SDK1: variants seen among roughly 807,000 people sequenced by gnomAD.
SDK1 encodes protein sidekick-1.
In SDK1, 157 loss-of-function variants were observed where a neutral mutation model predicts 245.5. The observed-to-expected ratio is 0.64, with a 90% confidence interval of 0.56 to 0.73. The LOEUF (loss-of-function observed/expected upper bound fraction) is 0.73, where lower values mean the gene tolerates loss of function less well. Ranked by LOEUF, SDK1 falls within the 30% of genes least tolerant of loss-of-function variation. SDK1 has a pLI of 0.00. For missense variants in SDK1, 3,583 were observed against 3,002.3 expected (o/e 1.19, Z -4.52); for synonymous variants, 1,647 against 1,278.5 (o/e 1.29, Z -6.15).
chr7:3,893,221 A>T (rs1337591965), intron 5 of SDK1, among the ~76,000 whole-genome samples: 1 of 151,772 alleles, frequency 6.6e-6, no homozygotes, highest in African/African-American at 2.4e-5. Flanking sequence ...TAACCAGTGA[A>T]CTCCGGCCCC....
At chr7:4,142,487 C>T (rs938045503) in intron 28 of SDK1, among the ~76,000 whole-genome samples, 2 of 152,074 alleles carry the variant, frequency 1.3e-5, no homozygotes, top group African/African-American at 4.8e-5. Context: ...CGCCATCACG[C>T]CCGGCTAATT....
intron 15 of SDK1, 26 bp from the exon 16 acceptor site, chr7:4,012,069 T>C: frequency 6.8e-7 from 1 of 1,466,398 alleles, no homozygotes; most frequent in East Asian, 2.7e-5. Context: ...TCATCTCTCT[T>C]GTTCCTACCC....
Position 3,951,810 on chromosome 7 carries a change from T to A in SDK1, c.1040T>A (p.Leu347His), listed in dbSNP as rs755797899. 8 of 1,613,854 alleles carry A rather than the reference T, an allele frequency of 5.0e-6. No homozygotes were observed. The highest frequency in any genetic ancestry group is 5.9e-6 in the Non-Finnish European group (7 of 1,180,012). ...GGCCTCCACAGCTTTGGAAGACGCC[T>A]CACCATCAGCAACCCGACGTCCGCG... is the stretch of plus-strand genomic sequence containing the variant. ...TSGLHSFGRR[L>H]TISNPTSADT... Residue 347 changes from leucine (L) to histidine (H), a missense_variant, in exon 7 of 45, where the codon CTC becomes CAC. Transcript: ENST00000404826.
chr7:4,173,200 A>C (rs1012957433), intron 32 of SDK1, among the ~76,000 whole-genome samples: 1 of 152,166 alleles, frequency 6.6e-6, no homozygotes, highest in East Asian at 1.9e-4. Flanking sequence ...ACAGCTTAGA[A>C]GGTTCCTGTT....
intron 1 of SDK1, among the ~76,000 whole-genome samples, chr7:3,369,334 C>A (rs1781166928): frequency 6.6e-6 from 1 of 152,182 alleles, no homozygotes; most frequent in Admixed American, 6.5e-5. Flanking sequence ...ACCCAGTGCA[C>A]CCACCAATAA....
At chr7:3,979,313 A>G (rs555605115) in intron 13 of SDK1, among the ~76,000 whole-genome samples, 2 of 152,140 alleles carry the variant, frequency 1.3e-5, no homozygotes, top group East Asian at 1.9e-4. Context: ...CTTTCTTACC[A>G]TCTTATACTA....
intron 1 of SDK1, among the ~76,000 whole-genome samples, chr7:3,541,400 G>T (rs1779049974): frequency 6.6e-6 from 1 of 152,164 alleles, no homozygotes. Flanking sequence ...TCATTGGGTG[G>T]ACTTCCATGC....
At chr7:4,124,926 AGATG>A (rs150404766) in intron 25 of SDK1, among the ~76,000 whole-genome samples, 7,871 of 127,262 alleles carry the variant, frequency 0.062, 588 homozygotes, top group African/African-American at 0.19. Context: ...ATGGGTGGGT[AGATG>A]GATGGATAGA....
At chr7:3,344,850 C>T (rs1430563291) in intron 1 of SDK1, among the ~76,000 whole-genome samples, 3 of 152,094 alleles carry the variant, frequency 2.0e-5, no homozygotes, top group Non-Finnish European at 4.4e-5. Flanking sequence ...AGTGGTGAGC[C>T]TTTGTAGTTA....
At chr7:4,100,289 T>TG (rs1396059834) in intron 22 of SDK1, among the ~76,000 whole-genome samples, 2 of 151,870 alleles carry the variant, frequency 1.3e-5, no homozygotes, top group Admixed American at 6.6e-5. Context: ...GCAGGGGCCA[T>TG]GGGGGGCAGA....
intron 4 of SDK1, among the ~76,000 whole-genome samples, chr7:3,727,822 A>C (rs146137050): frequency 1.4e-4 from 21 of 152,172 alleles, no homozygotes; most frequent in Admixed American, 1.4e-3. Flanking sequence ...CCAGGAATAA[A>C]ATATATTAAC....
At chr7:3,447,829 C>T (rs920589457) in intron 1 of SDK1, among the ~76,000 whole-genome samples, 4 of 151,190 alleles carry the variant, frequency 2.6e-5, no homozygotes, top group African/African-American at 7.3e-5. Context: ...CTCAGCCTCT[C>T]GAGTAGCTGG....
intron 5 of SDK1, among the ~76,000 whole-genome samples, chr7:3,920,124 C>A (rs563988212): frequency 6.6e-6 from 1 of 152,158 alleles, no homozygotes; most frequent in South Asian, 2.1e-4. Context: ...GAGTTCACCC[C>A]CACCGGGTCG....
In SDK1 at chr7:4,266,424, C is replaced by G. The variant is rs1788475123; in HGVS notation, c.*1040C>G. 1 of 985,244 alleles carries G rather than the reference C, an allele frequency of 1.0e-6. No homozygotes were observed. Among genetic ancestry groups the G allele is most frequent in the Non-Finnish European group, 1.2e-6 (1 of 829,946 alleles). The allele number at this position is 985,244 out of a possible 1,614,324, so 61.0% of individuals were successfully genotyped here. On this transcript the variant is annotated 3_prime_UTR_variant, in exon 45 of 45. Coordinates refer to ENST00000404826, the MANE Select transcript of SDK1 (RefSeq NM_152744.4). ...CTGAGAACACACGCTCCCGACTCGCCTCGTGCACACCAGGCCGTCCCCTCC... is the reference window on the plus strand; with the variant it reads ...CTGAGAACACACGCTCCCGACTCGCGTCGTGCACACCAGGCCGTCCCCTCC...
intron 1 of SDK1, among the ~76,000 whole-genome samples, chr7:3,350,036 G>A (rs1357583259): frequency 1.3e-5 from 2 of 152,200 alleles, no homozygotes; most frequent in Non-Finnish European, 2.9e-5. Flanking sequence ...TCACATTTAT[G>A]CCTGCTTTTT....
Position 4,241,860 on chromosome 7 carries a change from C to T in SDK1, c.6198C>T (p.Leu2066=), listed in dbSNP as rs906375349. 1.2e-6 allele frequency: 2 copies of T among 1,614,110 alleles called. No individual in the cohort carries two copies. Among genetic ancestry groups the T allele is most frequent in the South Asian group, 1.1e-5 (1 of 91,086 alleles). Residue 2066 remains leucine (L), a synonymous_variant, in exon 43 of 45, where the codon CTC becomes CTT. Transcript: ENST00000404826. ...ACGGAGGATTTGCTGCCCTGGAGCT[C>T]AGCAGCCGCCACCTCAATGTCAAGA... ...LDNGGFAALE[L]SSRHLNVKST... is the part of the protein sequence containing the mutation.
chr7:3,922,538 A>T (rs1779629247), intron 5 of SDK1, among the ~76,000 whole-genome samples: 1 of 152,236 alleles, frequency 6.6e-6, no homozygotes, highest in Non-Finnish European at 1.5e-5. Context: ...TCTTTAGAAT[A>T]TTTCTGAAAC....
At chr7:3,734,853 A>G (rs1019160928) in intron 4 of SDK1, among the ~76,000 whole-genome samples, 1 of 152,128 alleles carries the variant, frequency 6.6e-6, no homozygotes, top group Non-Finnish European at 1.5e-5. Flanking sequence ...AATTTTTTTC[A>G]TCTCAAGTAG....
intron 4 of SDK1, among the ~76,000 whole-genome samples, chr7:3,648,704 T>C (rs1330828068): frequency 6.6e-6 from 1 of 152,250 alleles, no homozygotes; most frequent in Non-Finnish European, 1.5e-5. Flanking sequence ...AACTAGGCTT[T>C]CAAAATAATG....
Sources: allele counts gnomAD v4.1 joint callset (sites outside exome capture counted in the v4.1 genomes callset), GRCh38; gene constraint gnomAD v4.1.1; transcripts MANE v1.5; gene names NCBI Gene and HGNC (gene_info 2026-07-23, HGNC 2026-07-21).